Variants in SUSD6 observed in about 807,000 individuals in gnomAD.
SUSD6 encodes sushi domain containing 6, also known as sushi domain-containing protein 6.
In SUSD6, 16 loss-of-function variants were observed where a neutral mutation model predicts 28.4. The ratio of observed to expected loss-of-function variants is 0.56; its 90% confidence interval spans 0.38 to 0.86. SUSD6 has a LOEUF of 0.86. Among genes scored for constraint, SUSD6 ranks in the 40% least tolerant of loss-of-function variants. The pLI is 0.00. For missense variants in SUSD6, 341 were observed against 384.2 expected, an observed-to-expected ratio of 0.89 and a Z score of 0.94; for synonymous variants, 147 against 159.6, an observed-to-expected ratio of 0.92 and a Z score of 0.59.
At chr14:69,696,329 G>C (rs1043177180) in intron 2 of SUSD6, among the ~76,000 whole-genome samples, 14 of 152,226 alleles carry the variant, frequency 9.2e-5, no homozygotes, top group Middle Eastern at 3.2e-3. Context: ...ACCCAGAAGA[G>C]TACTTGGCAC....
At chr14:69,633,699 T>C (rs1885227114) in intron 1 of SUSD6, among the ~76,000 whole-genome samples, 1 of 152,236 alleles carries the variant, frequency 6.6e-6, no homozygotes, top group African/African-American at 2.4e-5. Flanking sequence ...TGTAGAATAC[T>C]GAAATAGACA....
At chr14:69,654,444 G>T (rs751060520) in intron 1 of SUSD6, among the ~76,000 whole-genome samples, 4 of 152,154 alleles carry the variant, frequency 2.6e-5, no homozygotes, top group Non-Finnish European at 5.9e-5. Flanking sequence ...TCATTTCTAC[G>T]TTGGAGGTGG....
At chr14:69,706,713 G>A (rs1292529840) in intron 4 of SUSD6, among the ~76,000 whole-genome samples, 1 of 152,088 alleles carries the variant, frequency 6.6e-6, no homozygotes, top group Non-Finnish European at 1.5e-5. Flanking sequence ...GCCCACCTCA[G>A]CCTCCTAAAG....
intron 2 of SUSD6, among the ~76,000 whole-genome samples, chr14:69,681,375 A>G (rs1885995152): frequency 1.3e-5 from 2 of 152,198 alleles, no homozygotes; most frequent in South Asian, 4.1e-4. Context: ...AAAAAATAAA[A>G]CTTTATAAAC....
At chr14:69,705,200 C>T (rs1021556878) in intron 4 of SUSD6, among the ~76,000 whole-genome samples, 1 of 151,862 alleles carries the variant, frequency 6.6e-6, no homozygotes, top group African/African-American at 2.4e-5. Flanking sequence ...CGCCTGTAGT[C>T]CCAGCTACTC....
intron 2 of SUSD6, among the ~76,000 whole-genome samples, chr14:69,691,872 C>A (rs1321652703): frequency 6.6e-6 from 1 of 152,072 alleles, no homozygotes; most frequent in African/African-American, 2.4e-5. Flanking sequence ...AAACCTGTCT[C>A]TACCGAAAAT....
intron 1 of SUSD6, among the ~76,000 whole-genome samples, chr14:69,650,046 G>A (rs946273722): frequency 3.9e-5 from 6 of 152,200 alleles, no homozygotes; most frequent in African/African-American, 1.4e-4. Context: ...TTAATTTGGA[G>A]GGGAGGTAGT....
At chr14:69,647,115 T>C (rs141989839) in intron 1 of SUSD6, among the ~76,000 whole-genome samples, 1 of 152,196 alleles carries the variant, frequency 6.6e-6, no homozygotes, top group African/African-American at 2.4e-5. Flanking sequence ...TGGATGAAAA[T>C]GTTTGTTTAT....
chr14:69,627,176 T>G (rs1467369591), intron 1 of SUSD6, among the ~76,000 whole-genome samples: 1 of 152,234 alleles, frequency 6.6e-6, no homozygotes. Context: ...AGGACTTTTA[T>G]TATGTTGCTC....
rs753370312 is a variant in SUSD6, at chr14:69,684,641, C to T, written c.122-18754C>T. On this transcript the variant is annotated intron_variant, in intron 2 of 5. Transcript: ENST00000342745. The stretch of plus-strand genomic sequence containing the variant: ...TTGCCCCAAGTGCCTTGGCACAGAC[C>T]GTGGTGTGGCCAGTGGAAACATCGT... 4.8e-4 allele frequency among the ~76,000 whole-genome samples: 73 copies of T among 152,350 alleles called. No homozygotes were observed. The Middle Eastern group carries it at 0.017, about 35-fold the overall frequency.
chr14:69,644,862 T>G (rs1455735897), intron 1 of SUSD6, among the ~76,000 whole-genome samples: 2 of 152,150 alleles, frequency 1.3e-5, no homozygotes, highest in Non-Finnish European at 2.9e-5. Context: ...ACTGGAAGTA[T>G]GACTGGAGCT....
chr14:69,670,535 C>G (rs1001810659), intron 2 of SUSD6: 3 of 456,474 alleles, frequency 6.6e-6, no homozygotes, highest in Non-Finnish European at 1.3e-5. Flanking sequence ...TATGGGGAGA[C>G]AAGGTGGCAT....
chr14:69,711,221 T>C lies in SUSD6; in HGVS notation c.*242T>C. On this transcript the variant is annotated 3_prime_UTR_variant, in exon 6 of 6. Coordinates refer to ENST00000342745, the MANE Select transcript of SUSD6 (RefSeq NM_014734.4). ...CTTTGCCTGGCCCCGCCTTCCCATC[T>C]GTCAGAGACATATTTGAATGTGCTG... The C allele has an allele frequency of 1.7e-6, 1 of 573,350 alleles. No individual in the cohort carries two copies. The highest frequency in any genetic ancestry group is 3.1e-6 in the Non-Finnish European group (1 of 320,730). 35.5% of individuals were successfully genotyped at this position (573,350 alleles called of 1,614,324 possible).
intron 2 of SUSD6, among the ~76,000 whole-genome samples, chr14:69,684,706 C>A (rs1416635205): frequency 6.6e-6 from 1 of 152,248 alleles, no homozygotes; most frequent in African/African-American, 2.4e-5. Flanking sequence ...CTTTGGGGGT[C>A]AGCTCAGCAT....
chr14:69,635,300 G>A (rs1358140671), intron 1 of SUSD6, among the ~76,000 whole-genome samples: 1 of 152,164 alleles, frequency 6.6e-6, no homozygotes, highest in Non-Finnish European at 1.5e-5. Flanking sequence ...TTTTCTTTTT[G>A]GAATAGGGTG....
intron 2 of SUSD6, among the ~76,000 whole-genome samples, chr14:69,674,296 C>T (rs551072159): frequency 6.6e-5 from 10 of 152,192 alleles, no homozygotes; most frequent in African/African-American, 2.4e-4. Context: ...TCATGGTAGG[C>T]CTGTGTGCAT....
chr14:69,643,737 G>A (rs1317070559), intron 1 of SUSD6, among the ~76,000 whole-genome samples: 2 of 152,158 alleles, frequency 1.3e-5, no homozygotes. Context: ...TTCTGTGCCA[G>A]ATACTATATT....
At chr14:69,683,798 A>C (rs569538547) in intron 2 of SUSD6, among the ~76,000 whole-genome samples, 18 of 152,240 alleles carry the variant, frequency 1.2e-4, no homozygotes, top group African/African-American at 4.3e-4. Flanking sequence ...TTTGCATATG[A>C]GGATAAATTA....
intron 1 of SUSD6, among the ~76,000 whole-genome samples, chr14:69,630,354 C>T (rs557151666): frequency 1.3e-3 from 201 of 152,298 alleles, no homozygotes; most frequent in South Asian, 3.1e-3. Flanking sequence ...CAGGACCTAC[C>T]GTCAGAGACC....
Sources: allele counts gnomAD v4.1 joint callset (sites outside exome capture counted in the v4.1 genomes callset), GRCh38; gene constraint gnomAD v4.1.1; transcripts MANE v1.5; gene names NCBI Gene and HGNC (gene_info 2026-07-23, HGNC 2026-07-21).